The following SORCS3 variants were observed in gnomAD, a reference collection of about 807,000 sequenced individuals.
SORCS3 encodes the protein VPS10 domain-containing receptor SorCS3.
Under a neutral mutation model 146.3 loss-of-function variants are expected in SORCS3, and 57 were observed. The ratio of observed to expected loss-of-function variants is 0.39; its 90% CI spans 0.31 to 0.49. The LOEUF (loss-of-function observed/expected upper bound fraction) is 0.49. Ranked by LOEUF, SORCS3 falls within the 20% of genes least tolerant of loss-of-function variation. The pLI is 0.92. For synonymous variants in SORCS3, 653 were observed against 618.5 expected, an observed-to-expected ratio of 1.06 and a Z score of -0.83; for missense variants, 1,341 against 1,575.5, an observed-to-expected ratio of 0.85 and a Z score of 2.52.
At chr10:104,799,540 G>T (rs1192125275) in intron 1 of SORCS3, among the ~76,000 whole-genome samples, 1 of 151,856 alleles carries the variant, frequency 6.6e-6, no homozygotes, top group African/African-American at 2.4e-5. Flanking sequence ...ACCAGGGCCT[G>T]TTGGGGGTTG....
chr10:105,034,388 A>G (rs1029878210), intron 4 of SORCS3, among the ~76,000 whole-genome samples: 10 of 152,186 alleles, frequency 6.6e-5, no homozygotes, highest in Admixed American at 4.6e-4. Context: ...ATGGGAACCA[A>G]TGTGGCTGGA....
chr10:105,261,950 A>G (rs907107960), intron 25 of SORCS3, among the ~76,000 whole-genome samples: 2 of 152,242 alleles, frequency 1.3e-5, no homozygotes, highest in Non-Finnish European at 2.9e-5. Context: ...ATGCAACCTT[A>G]GAAATAGGTG....
At chr10:104,663,615 T>A (rs1175554215) in intron 1 of SORCS3, among the ~76,000 whole-genome samples, 1 of 152,138 alleles carries the variant, frequency 6.6e-6, no homozygotes, top group Non-Finnish European at 1.5e-5. Context: ...TGGGAGACAT[T>A]TTCACTAGCA....
At chr10:105,097,559 A>AT (rs1269775150) in intron 6 of SORCS3, among the ~76,000 whole-genome samples, 8 of 152,226 alleles carry the variant, frequency 5.3e-5, no homozygotes, top group Admixed American at 2.6e-4. Context: ...ACTAACTGTC[A>AT]TTTAGACCTT....
chr10:105,065,332 AG>A (rs2055515895), intron 5 of SORCS3, among the ~76,000 whole-genome samples: 1 of 152,190 alleles, frequency 6.6e-6, no homozygotes, highest in Admixed American at 6.5e-5. Context: ...ATAAGTGCAC[AG>A]ATAAGTATAT....
At chr10:104,793,809 G>C (rs1019318204) in intron 1 of SORCS3, among the ~76,000 whole-genome samples, 1 of 152,168 alleles carries the variant, frequency 6.6e-6, no homozygotes, top group African/African-American at 2.4e-5. Context: ...GGAGGCAAAT[G>C]GATTTATAGG....
At chr10:104,668,634 T>A (rs567022343) in intron 1 of SORCS3, among the ~76,000 whole-genome samples, 1 of 152,342 alleles carries the variant, frequency 6.6e-6, no homozygotes, top group African/African-American at 2.4e-5. Flanking sequence ...TGTGATTAAG[T>A]GGGTCAAATG....
intron 2 of SORCS3, among the ~76,000 whole-genome samples, chr10:104,858,382 A>G (rs1369053984): frequency 1.3e-5 from 2 of 152,220 alleles, no homozygotes; most frequent in Non-Finnish European, 2.9e-5. Context: ...AATATTTGGC[A>G]AAAATAATTT....
Position 104,811,461 on chromosome 10 carries a change from A to C in SORCS3, c.628-31331A>C, listed in dbSNP as rs1479904470. Among the ~76,000 whole-genome samples, 7 of 152,366 alleles carry C rather than the reference A, an allele frequency of 4.6e-5. No individual in the cohort carries two copies. The East Asian group carries it at 9.6e-4, about 21-fold the overall frequency. On this transcript the variant is annotated intron_variant, in intron 1 of 26. Transcript: ENST00000369701. ...TTGCCTGGTGAGGCAGAGCTTTCAC[A>C]CTTATTTTACACAGGAGGAAATGGA... is the stretch of plus-strand genomic sequence containing the variant.
intron 1 of SORCS3, among the ~76,000 whole-genome samples, chr10:104,786,842 T>A (rs534472514): frequency 7.2e-5 from 11 of 152,194 alleles, no homozygotes; most frequent in African/African-American, 2.4e-4. Context: ...AAGCTTGGCT[T>A]AAGAAGTATT....
chr10:104,811,472 A>G (rs2017740090), intron 1 of SORCS3, among the ~76,000 whole-genome samples: 1 of 152,224 alleles, frequency 6.6e-6, no homozygotes, highest in Non-Finnish European at 1.5e-5. Flanking sequence ...CTTATTTTAC[A>G]CAGGAGGAAA....
intron 4 of SORCS3, among the ~76,000 whole-genome samples, chr10:105,038,320 C>T (rs914447630): frequency 1.3e-5 from 2 of 152,276 alleles, no homozygotes; most frequent in Middle Eastern, 3.4e-3. Context: ...TGAAGCCATG[C>T]AGGACTGTAT....
At chr10:104,861,264 G>A (rs2018398136) in intron 2 of SORCS3, among the ~76,000 whole-genome samples, 1 of 152,154 alleles carries the variant, frequency 6.6e-6, no homozygotes, top group African/African-American at 2.4e-5. Context: ...GAAGTGAAAA[G>A]CATGCTCTCT....
chr10:104,926,615 G>A (rs1471967560), intron 3 of SORCS3, among the ~76,000 whole-genome samples: 3 of 152,198 alleles, frequency 2.0e-5, no homozygotes, highest in Non-Finnish European at 2.9e-5. Context: ...GGCAGACACC[G>A]GTCTAGGAGT....
chr10:104,731,724 A>G lies in SORCS3; in HGVS notation c.627+89770A>G, dbSNP rs574437870. Among the ~76,000 whole-genome samples the G allele has an allele frequency of 1.6e-4, 25 of 151,740 alleles. 4 individuals are homozygous for G. Among genetic ancestry groups the G allele is most frequent in the Admixed American group, 1.6e-3 (24 of 15,248 alleles). On this transcript the variant is annotated intron_variant, in intron 1 of 26. Transcript: ENST00000369701. Reference sequence around the variant, plus strand: ...TTATTGAGCCTGTGTAGATTTACCGAGCTGTGAGTAACTTAAGGACAGGAA... The same window carrying G: ...TTATTGAGCCTGTGTAGATTTACCGGGCTGTGAGTAACTTAAGGACAGGAA...
At chr10:105,033,692 A>G (rs569826072) in intron 4 of SORCS3, among the ~76,000 whole-genome samples, 1 of 152,318 alleles carries the variant, frequency 6.6e-6, no homozygotes, top group South Asian at 2.1e-4. Flanking sequence ...CTAGTTGGAC[A>G]CTGTCATTAA....
intron 13 of SORCS3, among the ~76,000 whole-genome samples, chr10:105,176,698 A>C (rs2056406721): frequency 6.6e-6 from 1 of 152,124 alleles, no homozygotes; most frequent in South Asian, 2.1e-4. Context: ...TACAAAGAAT[A>C]CAAAAAAATA....
At chr10:105,182,055 G>T (rs1283714241) in intron 14 of SORCS3, among the ~76,000 whole-genome samples, 1 of 151,672 alleles carries the variant, frequency 6.6e-6, no homozygotes, top group African/African-American at 2.4e-5. Flanking sequence ...AGGGGCCAAA[G>T]AGAACCTAGC....
intron 20 of SORCS3, among the ~76,000 whole-genome samples, chr10:105,231,181 T>C (rs1019778086): frequency 6.6e-6 from 1 of 152,240 alleles, no homozygotes; most frequent in Non-Finnish European, 1.5e-5. Context: ...GATTCTTTCT[T>C]AGATGACCTA....
Sources: allele counts gnomAD v4.1 joint callset (sites outside exome capture counted in the v4.1 genomes callset), GRCh38; gene constraint gnomAD v4.1.1; transcripts MANE v1.5; gene names NCBI Gene and HGNC (gene_info 2026-07-23, HGNC 2026-07-21).